RNGTT: variants seen among roughly 807,000 people sequenced by gnomAD.
RNGTT encodes mRNA-capping enzyme.
Under a neutral mutation model 79.3 loss-of-function variants are expected in RNGTT, and 33 were observed. The ratio of observed to expected loss-of-function variants is 0.42; its 90% confidence interval spans 0.32 to 0.56. The LOEUF is 0.56. Among genes scored for constraint, RNGTT ranks in the 20% least tolerant of loss-of-function variants. The pLI is 0.17. For missense variants in RNGTT, 497 were observed against 739.1 expected (o/e 0.67, Z 3.80); for synonymous variants, 222 against 235.9 (o/e 0.94, Z 0.54).
rs770951898 is a variant in RNGTT at position 88,960,001 on chromosome 6, A to G, written c.64+3345T>C. The stretch of plus-strand genomic sequence containing the variant: ...AACTTCTATTTACTGAAGATAATTC[A>G]TGTATGACCTTCTCTGGGAAGTCTC... On this transcript the variant is annotated intron_variant, in intron 1 of 15. Coordinates refer to ENST00000369485, the MANE Select transcript of RNGTT (RefSeq NM_003800.5). Among the ~76,000 whole-genome samples, 6 of 152,196 alleles carry G rather than the reference A, an allele frequency of 3.9e-5. No individual in the cohort carries two copies. The East Asian group carries it at 9.6e-4, about 24-fold the overall frequency.
intron 2 of RNGTT, among the ~76,000 whole-genome samples, chr6:88,935,749 A>G (rs1464228624): frequency 6.6e-6 from 1 of 151,878 alleles, no homozygotes; most frequent in Non-Finnish European, 1.5e-5. Context: ...TTCCTTCATC[A>G]CTGTTCTAGT....
chr6:88,669,681 G>A (rs1774555766), intron 14 of RNGTT, among the ~76,000 whole-genome samples: 1 of 152,180 alleles, frequency 6.6e-6, no homozygotes, highest in Admixed American at 6.5e-5. Flanking sequence ...CTGGATATGT[G>A]GACATAGAGC....
intron 1 of RNGTT, among the ~76,000 whole-genome samples, chr6:88,948,974 C>T (rs1352647016): frequency 1.0e-5 from 1 of 96,548 alleles, no homozygotes; most frequent in African/African-American, 4.2e-5. Flanking sequence ...ACAAACACTG[C>T]GGAAGGCCGC....
At chr6:88,652,922 G>A (rs16880998) in intron 14 of RNGTT, among the ~76,000 whole-genome samples, 2,330 of 152,176 alleles carry the variant, frequency 0.015, 59 homozygotes, top group African/African-American at 0.053. Context: ...TAATGGATTA[G>A]TATTCGCTGA....
At chr6:88,851,521 G>A (rs2127906201) in intron 9 of RNGTT, among the ~76,000 whole-genome samples, 1 of 152,066 alleles carries the variant, frequency 6.6e-6, no homozygotes, top group East Asian at 1.9e-4. Flanking sequence ...ATGATTAACT[G>A]CTATATTCTT....
At chr6:88,783,458 A>G (rs141410934) in intron 12 of RNGTT, among the ~76,000 whole-genome samples, 1 of 152,304 alleles carries the variant, frequency 6.6e-6, no homozygotes, top group African/African-American at 2.4e-5. Context: ...ATCAGATGTT[A>G]ATTAGCTGGA....
intron 13 of RNGTT, among the ~76,000 whole-genome samples, chr6:88,755,291 A>C (rs1420581461): frequency 2.6e-5 from 4 of 152,270 alleles, no homozygotes; most frequent in Non-Finnish European, 5.9e-5. Flanking sequence ...AAAAGGAAAA[A>C]GTGGTAGGTG....
Position 88,882,742 on chromosome 6 carries a change from C to A in RNGTT, c.896+7753G>T, listed in dbSNP as rs1186380829. Among the ~76,000 whole-genome samples the A allele has an allele frequency of 2.0e-5, 3 of 152,126 alleles. No individual in the cohort carries two copies. The South Asian group carries it at 6.2e-4, about 32-fold the overall frequency. On this transcript the variant is annotated intron_variant, in intron 8 of 15. Transcript: ENST00000369485. ...TTACAAAAGAGCTGGTGGTAACTAG[C>A]CAGGCCCTTTTGCTCTTCCACCATT... is the stretch of plus-strand genomic sequence containing the variant.
At chr6:88,806,114 A>C (rs77801171) in intron 11 of RNGTT, among the ~76,000 whole-genome samples, 3,069 of 152,186 alleles carry the variant, frequency 0.02, 96 homozygotes, top group African/African-American at 0.07. Flanking sequence ...GGAAAGAAAA[A>C]TCCACGAAAG....
chr6:88,722,893 G>A (rs1035706114), intron 13 of RNGTT, among the ~76,000 whole-genome samples: 6 of 152,128 alleles, frequency 3.9e-5, no homozygotes, highest in Non-Finnish European at 7.3e-5. Context: ...TTGTGGTAAC[G>A]CTGGTATAAA....
intron 5 of RNGTT, 117 bp from the exon 6 acceptor site, chr6:88,905,072 G>A (rs1037978378): frequency 1.6e-6 from 2 of 1,286,768 alleles, no homozygotes; most frequent in South Asian, 1.5e-5. Flanking sequence ...TTTATAAAAT[G>A]GGCAAATCAC....
chr6:88,831,487 T>C (rs1380114491), intron 11 of RNGTT, among the ~76,000 whole-genome samples: 2 of 152,226 alleles, frequency 1.3e-5, no homozygotes, highest in Non-Finnish European at 2.9e-5. Context: ...AATATCATAC[T>C]ACACGGGCAA....
chr6:88,732,054 A>C (rs1461728683), intron 13 of RNGTT, among the ~76,000 whole-genome samples: 1 of 152,100 alleles, frequency 6.6e-6, no homozygotes, highest in East Asian at 1.9e-4. Flanking sequence ...GAGGAGATGG[A>C]AGAAGAGGAG....
chr6:88,723,713 A>C (rs570780858), intron 13 of RNGTT, among the ~76,000 whole-genome samples: 1 of 152,252 alleles, frequency 6.6e-6, no homozygotes, highest in East Asian at 1.9e-4. Flanking sequence ...ACAGTTCTAC[A>C]ATGTGTTTGG....
chr6:88,938,686 T>C (rs531527179), intron 2 of RNGTT, among the ~76,000 whole-genome samples: 1 of 152,316 alleles, frequency 6.6e-6, no homozygotes, highest in South Asian at 2.1e-4. Flanking sequence ...CCCTTCATTG[T>C]TGATGTGTTT....
At position 88,910,156 on chromosome 6, in the gene RNGTT, T is replaced by C. The variant is rs572387379; in HGVS notation, c.368-3716A>G. Among the ~76,000 whole-genome samples the C allele has an allele frequency of 1.8e-4, 28 of 152,200 alleles. No homozygotes were observed. In the South Asian group the frequency reaches 5.4e-3, roughly 29 times the overall value. On this transcript the variant is annotated intron_variant, in intron 4 of 15. Coordinates refer to ENST00000369485, the MANE Select transcript of RNGTT (RefSeq NM_003800.5). ...AACCAGAACGTAATGTCTGAAATTA[T>C]AGACACAGAATTCAGAATATGGATG...
intron 13 of RNGTT, among the ~76,000 whole-genome samples, chr6:88,714,080 T>C (rs1360811489): frequency 6.6e-6 from 1 of 152,220 alleles, no homozygotes; most frequent in African/African-American, 2.4e-5. Context: ...CTTTTCTTGA[T>C]TTCCTCATCT....
At chr6:88,651,767 T>G (rs1341890938) in intron 14 of RNGTT, among the ~76,000 whole-genome samples, 1 of 152,066 alleles carries the variant, frequency 6.6e-6, no homozygotes, top group African/African-American at 2.4e-5. Context: ...ATTTTTATTT[T>G]AAACCAAATT....
chr6:88,746,845 T>C (rs919029615), intron 13 of RNGTT, among the ~76,000 whole-genome samples: 3 of 152,180 alleles, frequency 2.0e-5, no homozygotes, highest in African/African-American at 4.8e-5. Context: ...TCTATACTGA[T>C]TCCAGGGAAG....
Sources: gnomAD v4.1 joint callset for allele counts (sites outside exome capture counted in the v4.1 genomes callset) on GRCh38, gnomAD v4.1.1 for gene constraint, MANE v1.5 for transcripts, NCBI Gene and HGNC (gene_info 2026-07-23, HGNC 2026-07-21) for gene names.